Variants in NAV3 observed in about 807,000 individuals in gnomAD.
The protein encoded by NAV3 is neuron navigator 3.
A neutral mutation model predicts 244.7 loss-of-function variants in NAV3; 87 were observed. That is an observed-to-expected ratio of 0.36 (90% CI 0.30 to 0.42). The LOEUF is 0.42. NAV3 is among the 20% of genes least tolerant of loss of function. NAV3 has a pLI of 1.00. For missense variants in NAV3, 2,663 were observed against 2,893.3 expected (o/e 0.92, Z 1.83); for synonymous variants, 1,126 against 1,042.2 (o/e 1.08, Z -1.55).
intron 1 of NAV3, among the ~76,000 whole-genome samples, chr12:77,880,180 C>T (rs1882443109): frequency 2.6e-5 from 4 of 152,126 alleles, no homozygotes; most frequent in Admixed American, 2.6e-4. Flanking sequence ...TCTGAACCTC[C>T]ATTTTCAAGT....
Position 78,050,759 on chromosome 12 carries a change from G to T in NAV3, c.2133-5G>T. The T allele has an allele frequency of 6.3e-7, 1 of 1,579,742 alleles. No homozygotes were observed. The highest frequency in any genetic ancestry group is 1.1e-5 in the South Asian group (1 of 87,224). ...GTATAGTTATTTCTCCATTTTATTTGACAGCACCCTGGAGACAACATTTGA... is the reference window on the plus strand; with the variant it reads ...GTATAGTTATTTCTCCATTTTATTTTACAGCACCCTGGAGACAACATTTGA... On this transcript the variant is annotated splice_polypyrimidine_tract_variant and splice_region_variant and intron_variant, in intron 10 of 39. Coordinates refer to ENST00000397909, the MANE Select transcript of NAV3 (RefSeq NM_001024383.2).
At chr12:77,879,069 T>G (rs549507705) in intron 1 of NAV3, among the ~76,000 whole-genome samples, 3 of 152,110 alleles carry the variant, frequency 2.0e-5, no homozygotes, top group Admixed American at 2.0e-4. Context: ...GCTCTAAATA[T>G]AGGGAACCCA....
intron 2 of NAV3, among the ~76,000 whole-genome samples, chr12:77,736,776 G>A (rs1357560477): frequency 1.3e-5 from 2 of 152,204 alleles, no homozygotes; most frequent in African/African-American, 4.8e-5. Flanking sequence ...CCCTTAGGGG[G>A]CACTATATGT....
chr12:78,132,999 C>T (rs2138939397), intron 18 of NAV3, among the ~76,000 whole-genome samples: 1 of 152,260 alleles, frequency 6.6e-6, no homozygotes, highest in African/African-American at 2.4e-5. Flanking sequence ...TTCAGAATAT[C>T]TCCTACATCT....
At chr12:78,164,474 GAATAGGATTTTTA>G (rs879550684) in intron 23 of NAV3, among the ~76,000 whole-genome samples, 22 of 152,018 alleles carry the variant, frequency 1.4e-4, no homozygotes, top group Non-Finnish European at 2.9e-5. Context: ...AAATTTAGTT[GAATAGGATTTTTA>G]CATTAACTCT....
At chr12:78,037,411 C>T (rs947893964) in intron 9 of NAV3, 27 of 678,130 alleles carry the variant, frequency 4.0e-5, no homozygotes, top group Non-Finnish European at 1.6e-5. Context: ...CTCCTAAAAA[C>T]GTGTATGGGA....
chr12:77,675,962 C>G (rs944049544), intron 2 of NAV3, among the ~76,000 whole-genome samples: 1 of 152,176 alleles, frequency 6.6e-6, no homozygotes, highest in Non-Finnish European at 1.5e-5. Context: ...TGGATTTCTG[C>G]TCTCTACTGC....
chr12:77,770,275 C>T (rs1287063785), intron 2 of NAV3, among the ~76,000 whole-genome samples: 1 of 152,026 alleles, frequency 6.6e-6, no homozygotes, highest in Non-Finnish European at 1.5e-5. Context: ...AGCTAAGGTA[C>T]CTGTGGCAGG....
At position 77,880,757 on chromosome 12, in the gene NAV3, T is replaced by G. The variant is rs73342720; in HGVS notation, c.243+49053T>G. Among the ~76,000 whole-genome samples, 1,375 of 152,260 alleles carry G rather than the reference T, an allele frequency of 9.0e-3. 15 individuals are homozygous for G. Among genetic ancestry groups the G allele is most frequent in the Middle Eastern group, 0.027 (8 of 294 alleles). ...ATGTATAACAATTGCCTATGCTATT[T>G]AGTCACATGCTTTACAGGTTTCTAA... is the stretch of plus-strand genomic sequence containing the variant. On this transcript the variant is annotated intron_variant, in intron 1 of 39. Transcript: ENST00000397909.
chr12:77,847,067 C>T (rs1196672168), intron 1 of NAV3, among the ~76,000 whole-genome samples: 2 of 152,080 alleles, frequency 1.3e-5, no homozygotes, highest in African/African-American at 4.8e-5. Context: ...CCTTCAGAGA[C>T]TACACACAGA....
At chr12:77,575,250 G>A (rs936548030) in intron 2 of NAV3, among the ~76,000 whole-genome samples, 2 of 151,956 alleles carry the variant, frequency 1.3e-5, no homozygotes, top group African/African-American at 4.8e-5. Context: ...ATAAACTACA[G>A]ATGTGTATCT....
At chr12:78,088,441 T>C (rs540946887) in intron 12 of NAV3, among the ~76,000 whole-genome samples, 9 of 152,246 alleles carry the variant, frequency 5.9e-5, no homozygotes, top group African/African-American at 1.9e-4. Context: ...GAAGACCCAG[T>C]GATCACATTG....
At chr12:77,623,572 A>G (rs1436919908) in intron 2 of NAV3, among the ~76,000 whole-genome samples, 1 of 152,228 alleles carries the variant, frequency 6.6e-6, no homozygotes, top group East Asian at 1.9e-4. Flanking sequence ...CAGCATAATT[A>G]GAGATAAAAA....
At chr12:78,003,021 C>A (rs925234725) in intron 7 of NAV3, among the ~76,000 whole-genome samples, 43 of 151,504 alleles carry the variant, frequency 2.8e-4, no homozygotes, top group Middle Eastern at 3.4e-3. Context: ...GTACAACTCT[C>A]CACAGAGTGG....
At chr12:77,692,179 TA>T (rs933304523) in intron 2 of NAV3, among the ~76,000 whole-genome samples, 1 of 151,998 alleles carries the variant, frequency 6.6e-6, no homozygotes, top group African/African-American at 2.4e-5. Flanking sequence ...CTAGGAGTAC[TA>T]AGCATGAAAT....
chr12:78,153,582 T>G (rs1957159779), intron 22 of NAV3, among the ~76,000 whole-genome samples: 1 of 152,116 alleles, frequency 6.6e-6, no homozygotes, highest in South Asian at 2.1e-4. Flanking sequence ...TCAGGTGGGA[T>G]GCTTTTGTTT....
At chr12:77,945,091 C>T (rs1890207233) in intron 3 of NAV3, among the ~76,000 whole-genome samples, 1 of 149,074 alleles carries the variant, frequency 6.7e-6, no homozygotes, top group Non-Finnish European at 1.5e-5. Context: ...AATAATTTTT[C>T]TAAGAGTGTC....
intron 2 of NAV3, among the ~76,000 whole-genome samples, chr12:77,613,872 G>A (rs926652937): frequency 2.6e-5 from 4 of 151,954 alleles, no homozygotes; most frequent in African/African-American, 7.2e-5. Flanking sequence ...TCTACCTGAC[G>A]GCCCTTGTTT....
intron 12 of NAV3, among the ~76,000 whole-genome samples, chr12:78,090,129 G>A (rs1953845364): frequency 1.3e-5 from 2 of 151,358 alleles, no homozygotes; most frequent in Admixed American, 1.3e-4. Context: ...TATACTTTGT[G>A]TATGGCTTCC....
Sources: allele counts gnomAD v4.1 joint callset (sites outside exome capture counted in the v4.1 genomes callset), GRCh38; gene constraint gnomAD v4.1.1; transcripts MANE v1.5; gene names NCBI Gene and HGNC (gene_info 2026-07-23, HGNC 2026-07-21).